ARNT2: variants seen among roughly 807,000 people sequenced by gnomAD.
ARNT2 encodes aryl hydrocarbon receptor nuclear translocator 2.
A neutral mutation model predicts 91.7 loss-of-function variants in ARNT2; 36 were observed. The ratio of observed to expected loss-of-function variants is 0.39; its 90% CI spans 0.30 to 0.52. ARNT2 has a LOEUF of 0.52. Among genes scored for constraint, ARNT2 ranks in the 20% least tolerant of loss-of-function variants. ARNT2 has a pLI of 0.72. For synonymous variants in ARNT2, 365 were observed against 347.1 expected (o/e 1.05, Z -0.57); for missense variants, 775 against 939.3 (o/e 0.83, Z 2.29).
chr15:80,582,240 C>A (rs1044740983), intron 17 of ARNT2, among the ~76,000 whole-genome samples: 6 of 151,878 alleles, frequency 4.0e-5, no homozygotes, highest in Non-Finnish European at 7.4e-5. Context: ...CATCTGTAAT[C>A]CCAGCACTTT....
rs149064281 is a variant in ARNT2 at position 80,520,282 on chromosome 15, C to T, written c.877+5877C>T. On this transcript the variant is annotated intron_variant, in intron 8 of 18. Transcript: ENST00000303329. ...TCAGTGTACACACGGTTATTAAAGT[C>T]GTAAACCTCTGTTTACCTCTGGGGA... Among the ~76,000 whole-genome samples, 414 of 152,198 alleles carry T rather than the reference C, an allele frequency of 2.7e-3. 5 individuals are homozygous for T. The highest frequency in any genetic ancestry group is 0.02 in the East Asian group (103 of 5,176).
At position 80,569,861 on chromosome 15, in the gene ARNT2, C is replaced by T. The variant is rs184863920; in HGVS notation, c.1317-4287C>T. Among the ~76,000 whole-genome samples the T allele has an allele frequency of 3.3e-5, 5 of 152,346 alleles. No individual in the cohort carries two copies. The East Asian group carries it at 5.8e-4, about 18-fold the overall frequency. On this transcript the variant is annotated intron_variant, in intron 12 of 18. Transcript: ENST00000303329. ...CCACTTCGCCCCTTGGCCAGGCATC[C>T]GGGGCACAGCTACACAACTGCGCAC...
At position 80,495,255 on chromosome 15, in the gene ARNT2, C is replaced by G. The variant is rs1036945586; in HGVS notation, c.623-12901C>G. 5.3e-5 allele frequency among the ~76,000 whole-genome samples: 8 copies of G among 152,308 alleles called. No individual in the cohort carries two copies. In the South Asian group the frequency reaches 1.5e-3, roughly 28 times the overall value. Reference sequence around the variant, plus strand: ...CTGAAAACAGTTTCCCTCTGTGGGTCAGCAGGAGCCCATTCTGCTCAGTGA... The same window carrying G: ...CTGAAAACAGTTTCCCTCTGTGGGTGAGCAGGAGCCCATTCTGCTCAGTGA... On this transcript the variant is annotated intron_variant, in intron 5 of 18. Transcript: ENST00000303329.
rs1164060613 is a variant in ARNT2, at chr15:80,591,201, ACT to A, written c.1919-364_1919-363del. On this transcript the variant is annotated intron_variant, in intron 17 of 18. Transcript: ENST00000303329. This position sits in a 1 kb window ranked among gnomAD's most constrained non-coding sequence, Gnocchi z 5.1. ...GAGGACAGACCCTCTCTCAGCCCAC[ACT>A]CTGCATGCAACAGATATGCCCCTTG... Among the ~76,000 whole-genome samples, 4 of 152,068 alleles carry A rather than the reference ACT, an allele frequency of 2.6e-5. No homozygotes were observed.
At chr15:80,457,510 CA>C (rs2141385163) in intron 2 of ARNT2, among the ~76,000 whole-genome samples, 1 of 152,298 alleles carries the variant, frequency 6.6e-6, no homozygotes, top group East Asian at 1.9e-4. Context: ...TAATATACCA[CA>C]AGATAAACTA....
chr15:80,470,489 C>T (rs749161467), intron 4 of ARNT2, 58 bp downstream of exon 4: 191 of 1,564,380 alleles, frequency 1.2e-4, no homozygotes, highest in South Asian at 3.3e-4. Flanking sequence ...GTCACCAAGA[C>T]GAAATAAACT....
intron 4 of ARNT2, among the ~76,000 whole-genome samples, chr15:80,474,695 G>A (rs926789347): frequency 4.6e-5 from 7 of 152,032 alleles, no homozygotes; most frequent in African/African-American, 1.7e-4. Context: ...AGCTGTTCAC[G>A]CCTCTGGCAA....
At chr15:80,527,154 T>C (rs1397975083) in intron 8 of ARNT2, among the ~76,000 whole-genome samples, 1 of 152,240 alleles carries the variant, frequency 6.6e-6, no homozygotes, top group East Asian at 1.9e-4. Flanking sequence ...TTTTGTTCCA[T>C]AAATACTTTC....
At chr15:80,550,299 A>G (rs1278627198) in intron 8 of ARNT2, among the ~76,000 whole-genome samples, 1 of 152,194 alleles carries the variant, frequency 6.6e-6, no homozygotes, top group Non-Finnish European at 1.5e-5. Context: ...CCGGCTCACA[A>G]AACCATAGTG....
chr15:80,468,953 C>T (rs1017784157), intron 3 of ARNT2, among the ~76,000 whole-genome samples: 5 of 152,158 alleles, frequency 3.3e-5, no homozygotes, highest in African/African-American at 1.2e-4. Context: ...CTGACTGGCA[C>T]GTCTGTTCCC....
chr15:80,413,476 A>T (rs1426905785), intron 1 of ARNT2, among the ~76,000 whole-genome samples: 1 of 152,254 alleles, frequency 6.6e-6, no homozygotes. Context: ...TGATACCATT[A>T]GGCAGGCCAT....
At chr15:80,565,004 C>T (rs1596017081) in intron 12 of ARNT2, among the ~76,000 whole-genome samples, 1 of 152,030 alleles carries the variant, frequency 6.6e-6, no homozygotes, top group East Asian at 1.9e-4. Context: ...CTCATTGCAG[C>T]CTCGACTTCC....
chr15:80,586,840 CAAAAAA>C (rs10679933), intron 17 of ARNT2, among the ~76,000 whole-genome samples: 3 of 113,078 alleles, frequency 2.7e-5, no homozygotes, highest in Non-Finnish European at 4.1e-5. Flanking sequence ...GACTCCATTT[CAAAAAA>C]AAAAAAAAAG....
intron 1 of ARNT2, among the ~76,000 whole-genome samples, chr15:80,426,223 C>T (rs954183352): frequency 1.3e-5 from 2 of 152,126 alleles, no homozygotes; most frequent in African/African-American, 2.4e-5. Context: ...TTATTGGATG[C>T]ATGGATACAA....
intron 1 of ARNT2, among the ~76,000 whole-genome samples, chr15:80,441,633 A>G (rs1290728966): frequency 6.6e-6 from 1 of 152,182 alleles, no homozygotes; most frequent in East Asian, 1.9e-4. Context: ...GATTCACATG[A>G]AATGTAGGGA....
intron 8 of ARNT2, among the ~76,000 whole-genome samples, chr15:80,528,579 G>A (rs1306506063): frequency 1.3e-5 from 2 of 152,088 alleles, no homozygotes; most frequent in African/African-American, 4.8e-5. Flanking sequence ...TCTAGTGGGA[G>A]GTGTTTGGGT....
chr15:80,407,678 G>A (rs1389128001), intron 1 of ARNT2, among the ~76,000 whole-genome samples: 1 of 152,024 alleles, frequency 6.6e-6, no homozygotes, highest in Non-Finnish European at 1.5e-5. Flanking sequence ...AGACTAGAGA[G>A]TGAAGTCATA....
chr15:80,527,704 G>C (rs1897660145), intron 8 of ARNT2, among the ~76,000 whole-genome samples: 9 of 152,248 alleles, frequency 5.9e-5, no homozygotes, highest in Admixed American at 5.9e-4. Context: ...TTGGAATAGT[G>C]AAGAAATCAG....
At chr15:80,505,327 G>A (rs914867119) in intron 5 of ARNT2, among the ~76,000 whole-genome samples, 3 of 152,188 alleles carry the variant, frequency 2.0e-5, no homozygotes, top group African/African-American at 4.8e-5. Context: ...AGTGATGACT[G>A]CCCTTTTTCA....
Sources: allele counts gnomAD v4.1 joint callset (sites outside exome capture counted in the v4.1 genomes callset), GRCh38; gene constraint gnomAD v4.1.1; non-coding constraint Gnocchi (gnomAD v3.1); transcripts MANE v1.5; gene names NCBI Gene and HGNC (gene_info 2026-07-23, HGNC 2026-07-21).